PTPRN2: variants seen among roughly 807,000 people sequenced by gnomAD.
PTPRN2 encodes protein tyrosine phosphatase receptor type N2.
In PTPRN2, 74 loss-of-function variants were observed where a neutral mutation model predicts 118.8. That is an observed-to-expected ratio of 0.62 (90% CI 0.52 to 0.76). The LOEUF (loss-of-function observed/expected upper bound fraction) is 0.76. Ranked by LOEUF, PTPRN2 falls within the 30% of genes least tolerant of loss-of-function variation. The pLI is 0.00. For missense variants in PTPRN2, 1,481 were observed against 1,394.4 expected (o/e 1.06, Z -0.99); for synonymous variants, 641 against 608.0 (o/e 1.05, Z -0.80).
chr7:157,875,310 G>A (rs917258885), intron 12 of PTPRN2, among the ~76,000 whole-genome samples: 2 of 152,206 alleles, frequency 1.3e-5, no homozygotes, highest in Non-Finnish European at 2.9e-5. Context: ...GTTTCCAGGC[G>A]TTCCGTGAGA....
Position 157,791,800 on chromosome 7 carries a change from C to T in PTPRN2, c.1788+106873G>A, listed in dbSNP as rs369135386. 4.6e-5 allele frequency among the ~76,000 whole-genome samples: 7 copies of T among 152,326 alleles called. No individual in the cohort carries two copies. In the South Asian group the frequency reaches 1.2e-3, roughly 27 times the overall value. Reference sequence around the variant, plus strand: ...CTCCTAGGAGGTTTCTGGTACAGACCATGTTTCCTGAGGACCTGGAGGGTA... The same window carrying T: ...CTCCTAGGAGGTTTCTGGTACAGACTATGTTTCCTGAGGACCTGGAGGGTA... On this transcript the variant is annotated intron_variant, in intron 12 of 22. Coordinates refer to ENST00000389418, the MANE Select transcript of PTPRN2 (RefSeq NM_002847.5).
chr7:158,335,322 C>A (rs1196984574), intron 2 of PTPRN2, among the ~76,000 whole-genome samples: 4 of 16,958 alleles, frequency 2.4e-4, no homozygotes, highest in Admixed American at 1.1e-3. Flanking sequence ...ACACTCACAC[C>A]CATACTCTCA....
In PTPRN2 at chr7:158,091,736, G is replaced by T. The variant is rs552254758; in HGVS notation, c.1644-10359C>A. Among the ~76,000 whole-genome samples, 11 of 150,300 alleles carry T rather than the reference G, an allele frequency of 7.3e-5. No homozygotes were observed. In the East Asian group the frequency reaches 2.0e-3, roughly 27 times the overall value. On this transcript the variant is annotated intron_variant, in intron 10 of 22. Transcript: ENST00000389418. The stretch of plus-strand genomic sequence containing the variant: ...GATGAGCAGAGAGATGGTTGGGTGG[G>T]TGGGTGAAAGATAGGTGATGGATGG...
intron 12 of PTPRN2, chr7:157,864,846 C>A (rs533846919): frequency 6.6e-6 from 1 of 152,362 alleles, no homozygotes; most frequent in East Asian, 1.9e-4. Context: ...CAGGTGACAG[C>A]CCCTCCTCTG....
intron 2 of PTPRN2, among the ~76,000 whole-genome samples, chr7:158,397,257 G>A (rs903666134): frequency 6.6e-6 from 1 of 152,208 alleles, no homozygotes; most frequent in African/African-American, 2.4e-5. Context: ...TAGGGACAGG[G>A]GCTTGTGCCC....
chr7:157,828,644 C>T (rs1332142953), intron 12 of PTPRN2, among the ~76,000 whole-genome samples: 2 of 152,018 alleles, frequency 1.3e-5, no homozygotes, highest in Non-Finnish European at 2.9e-5. Flanking sequence ...GTCCTGGTTA[C>T]TGCAGGTACA....
rs1797436170 is a variant in PTPRN2 at position 157,690,734 on chromosome 7, G to A, written c.1789-7797C>T. Among the ~76,000 whole-genome samples, 1 of 151,440 alleles carries A rather than the reference G, an allele frequency of 6.6e-6. No homozygotes were observed. Among genetic ancestry groups the A allele is most frequent in the Non-Finnish European group, 1.5e-5 (1 of 67,782 alleles). On this transcript the variant is annotated intron_variant, in intron 12 of 22. Transcript: ENST00000389418. This position sits in a 1 kb window ranked among gnomAD's most constrained non-coding sequence, Gnocchi z 7.1. The stretch of plus-strand genomic sequence containing the variant: ...CTTCTGACCACAAACTTCTAGGGCG[G>A]CCGGAGGAGACAAAGGTGCCGCGCG...
intron 2 of PTPRN2, among the ~76,000 whole-genome samples, chr7:158,384,053 A>G (rs1811150998): frequency 6.6e-6 from 1 of 152,176 alleles, no homozygotes; most frequent in African/African-American, 2.4e-5. Flanking sequence ...TGCTTGAAGC[A>G]TCCCGCGCAT....
At chr7:157,769,728 C>T (rs1166461813) in intron 12 of PTPRN2, among the ~76,000 whole-genome samples, 1 of 152,222 alleles carries the variant, frequency 6.6e-6, no homozygotes, top group Non-Finnish European at 1.5e-5. Context: ...TCTTCCGCAG[C>T]TCCCTGTGGC....
At chr7:158,528,406 C>T (rs1383625797) in intron 1 of PTPRN2, among the ~76,000 whole-genome samples, 1 of 152,184 alleles carries the variant, frequency 6.6e-6, no homozygotes, top group Non-Finnish European at 1.5e-5. Flanking sequence ...GTGAAATGCA[C>T]ATTTACAAAG....
chr7:157,559,580 G>A (rs975038507), intron 21 of PTPRN2, among the ~76,000 whole-genome samples: 2 of 152,164 alleles, frequency 1.3e-5, no homozygotes, highest in Non-Finnish European at 2.9e-5. Context: ...CACAGAGGAC[G>A]GAGAGGACCC....
At chr7:158,174,223 C>T (rs75576840) in intron 5 of PTPRN2, among the ~76,000 whole-genome samples, 3,144 of 152,208 alleles carry the variant, frequency 0.021, 99 homozygotes, top group African/African-American at 0.072. Flanking sequence ...TATGTTTTGC[C>T]GCAGCTTCAG....
At chr7:158,282,638 C>A (rs1208870300) in intron 3 of PTPRN2, among the ~76,000 whole-genome samples, 1 of 152,258 alleles carries the variant, frequency 6.6e-6, no homozygotes, top group Admixed American at 6.5e-5. Flanking sequence ...CTTGTGCTCC[C>A]ACACACAGCA....
At chr7:158,300,486 G>C (rs1362621113) in intron 3 of PTPRN2, among the ~76,000 whole-genome samples, 1 of 152,176 alleles carries the variant, frequency 6.6e-6, no homozygotes, top group Non-Finnish European at 1.5e-5. Flanking sequence ...CCTATATTTT[G>C]TGTGAGACAT....
chr7:158,328,769 A>G (rs1385762529), intron 2 of PTPRN2, among the ~76,000 whole-genome samples: 1 of 147,236 alleles, frequency 6.8e-6, no homozygotes, highest in African/African-American at 2.6e-5. Context: ...GACATCTGCA[A>G]GTCACTAGGA....
intron 2 of PTPRN2, among the ~76,000 whole-genome samples, chr7:158,343,449 T>A (rs73748215): frequency 0.017 from 2,649 of 152,266 alleles, 75 homozygotes; most frequent in African/African-American, 0.059. Context: ...TAGGGCCCTG[T>A]GCTCCGCGGG....
chr7:158,319,053 C>A (rs920086604), intron 2 of PTPRN2, among the ~76,000 whole-genome samples: 1 of 152,174 alleles, frequency 6.6e-6, no homozygotes, highest in African/African-American at 2.4e-5. Context: ...AATTTTGTTT[C>A]TTGCATACAA....
At chr7:157,928,867 T>C (rs992107114) in intron 11 of PTPRN2, among the ~76,000 whole-genome samples, 1 of 10,464 alleles carries the variant, frequency 9.6e-5, no homozygotes, top group African/African-American at 3.6e-4. Flanking sequence ...GATGGGGGGG[T>C]GGGACAGGGG....
At chr7:157,564,865 C>A (rs1258994734) in intron 21 of PTPRN2, among the ~76,000 whole-genome samples, 1 of 152,216 alleles carries the variant, frequency 6.6e-6, no homozygotes, top group Non-Finnish European at 1.5e-5. Flanking sequence ...ACATTCACAG[C>A]AGGATTACTC....
Sources: allele counts gnomAD v4.1 joint callset (sites outside exome capture counted in the v4.1 genomes callset), GRCh38; gene constraint gnomAD v4.1.1; non-coding constraint Gnocchi (gnomAD v3.1); transcripts MANE v1.5; gene names NCBI Gene and HGNC (gene_info 2026-07-23, HGNC 2026-07-21).